Variants in FRMD3 observed in about 807,000 individuals in gnomAD.
The protein encoded by FRMD3 is FERM domain containing 3.
Under a neutral mutation model 70.2 loss-of-function variants are expected in FRMD3, and 33 were observed. The ratio of observed to expected loss-of-function variants is 0.47; its 90% CI spans 0.36 to 0.63. The LOEUF (loss-of-function observed/expected upper bound fraction) is 0.63, where lower values mean the gene tolerates loss of function less well. Ranked by LOEUF, FRMD3 falls within the 20% of genes least tolerant of loss-of-function variation. The pLI, the probability that FRMD3 is intolerant of heterozygous loss-of-function variation, is 0.00. For synonymous variants in FRMD3, 279 were observed against 255.9 expected, an observed-to-expected ratio of 1.09 and a Z score of -0.86; for missense variants, 632 against 711.4, an observed-to-expected ratio of 0.89 and a Z score of 1.27.
chr9:83,395,934 G>C (rs1011248841), intron 1 of FRMD3, among the ~76,000 whole-genome samples: 2 of 152,044 alleles, frequency 1.3e-5, no homozygotes, highest in East Asian at 3.9e-4. Context: ...CTACCTTTAG[G>C]GATGAAGGTA....
intron 1 of FRMD3, among the ~76,000 whole-genome samples, chr9:83,485,946 T>C (rs937527991): frequency 1.3e-5 from 2 of 151,986 alleles, no homozygotes; most frequent in Non-Finnish European, 2.9e-5. Context: ...TTTTACAGGA[T>C]TCTAATATAT....
intron 13 of FRMD3, among the ~76,000 whole-genome samples, chr9:83,258,038 A>G (rs1479626496): frequency 6.6e-6 from 1 of 152,214 alleles, no homozygotes; most frequent in Non-Finnish European, 1.5e-5. Context: ...CAATAATCAA[A>G]AAATACTGAT....
chr9:83,477,860 T>G (rs1301215992), intron 1 of FRMD3, among the ~76,000 whole-genome samples: 1 of 152,186 alleles, frequency 6.6e-6, no homozygotes, highest in Non-Finnish European at 1.5e-5. Flanking sequence ...TAGACCTTGC[T>G]TGGACCTTTC....
chr9:83,298,602 C>A lies in FRMD3; in HGVS notation c.1070+146G>T, dbSNP rs1213468622. The stretch of plus-strand genomic sequence containing the variant: ...GCCCAGCTGTGCTCATGCCATGGCC[C>A]AGGCAAATCTGTCTGAGTGAGATGT... On this transcript the variant is annotated intron_variant, in intron 12 of 13. Coordinates refer to ENST00000304195, the MANE Select transcript of FRMD3 (RefSeq NM_174938.6). 2.5e-5 allele frequency: 16 copies of A among 650,650 alleles called. No homozygotes were observed. The Admixed American group carries it at 3.9e-4, about 16-fold the overall frequency. 40.3% of individuals were successfully genotyped at this position (650,650 alleles called of 1,614,324 possible).
chr9:83,249,348 T>A (rs1234554378), intron 13 of FRMD3, among the ~76,000 whole-genome samples: 1 of 152,184 alleles, frequency 6.6e-6, no homozygotes, highest in African/African-American at 2.4e-5. Context: ...ATTTTACTGA[T>A]GGGAAATCGA....
chr9:83,522,395 G>T (rs576820379), intron 1 of FRMD3, among the ~76,000 whole-genome samples: 2 of 152,026 alleles, frequency 1.3e-5, no homozygotes, highest in African/African-American at 4.8e-5. Context: ...TCAGCGGCTG[G>T]GGGGGCAGGG....
At chr9:83,389,512 G>A in intron 2 of FRMD3, 92 bp downstream of exon 2, 1 of 805,564 alleles carries the variant, frequency 1.2e-6, no homozygotes, top group Non-Finnish European at 2.2e-6. Flanking sequence ...ATGAGAACAA[G>A]GGCATCACTA....
chr9:83,280,492 C>T (rs1432063892), intron 13 of FRMD3, among the ~76,000 whole-genome samples: 1 of 152,212 alleles, frequency 6.6e-6, no homozygotes, highest in African/African-American at 2.4e-5. Context: ...TGTAAAATGG[C>T]ATGTCACCAC....
At chr9:83,352,747 C>T (rs990081940) in intron 3 of FRMD3, among the ~76,000 whole-genome samples, 9 of 152,164 alleles carry the variant, frequency 5.9e-5, no homozygotes, top group African/African-American at 1.9e-4. Flanking sequence ...TCTATGCTTC[C>T]TCAAGCCAGG....
At chr9:83,352,154 C>A (rs1824183257) in intron 3 of FRMD3, among the ~76,000 whole-genome samples, 1 of 152,196 alleles carries the variant, frequency 6.6e-6, no homozygotes, top group Non-Finnish European at 1.5e-5. Context: ...AACTATTCTA[C>A]ATCAAACCAT....
intron 1 of FRMD3, among the ~76,000 whole-genome samples, chr9:83,502,286 T>C (rs1829086400): frequency 6.6e-6 from 1 of 152,228 alleles, no homozygotes; most frequent in African/African-American, 2.4e-5. Flanking sequence ...AGAAGGTTCC[T>C]GCCTTTTTGA....
intron 1 of FRMD3, among the ~76,000 whole-genome samples, chr9:83,417,005 C>T (rs1826477523): frequency 6.6e-6 from 1 of 152,206 alleles, no homozygotes; most frequent in South Asian, 2.1e-4. Flanking sequence ...TCTCCTTTCA[C>T]CCAGGCCTCT....
rs373851850 is a variant in FRMD3, at chr9:83,328,181, TA to T, written c.596+7334del. On this transcript the variant is annotated intron_variant, in intron 6 of 13. Transcript: ENST00000304195. ...TCTCAGAACTCTGTTTCCTTATCTG[TA>T]AAAAAAAAAAAAAATGGTGGCTGCA... Among the ~76,000 whole-genome samples, 1,091 of 143,172 alleles carry T rather than the reference TA, an allele frequency of 7.6e-3. 2 individuals carry two copies. The highest frequency in any genetic ancestry group is 0.017 in the African/African-American group (650 of 38,414). The allele number at this position is 143,172 out of a possible 152,430, so 93.9% of individuals were successfully genotyped here.
chr9:83,514,829 G>C (rs1471587200), intron 1 of FRMD3, among the ~76,000 whole-genome samples: 1 of 152,200 alleles, frequency 6.6e-6, no homozygotes, highest in Non-Finnish European at 1.5e-5. Context: ...ATGGGGTCTG[G>C]AGTGGACCCC....
At chr9:83,529,988 C>A (rs1186456298) in intron 1 of FRMD3, among the ~76,000 whole-genome samples, 1 of 152,122 alleles carries the variant, frequency 6.6e-6, no homozygotes, top group African/African-American at 2.4e-5. Flanking sequence ...TAGATAATAA[C>A]AAGTATTGGA....
chr9:83,248,511 G>A lies in FRMD3; in HGVS notation c.1201C>T (p.Pro401Ser), dbSNP rs780931179. 6.2e-7 allele frequency: 1 copy of A among 1,602,316 alleles called. No homozygotes were observed. Among genetic ancestry groups the A allele is most frequent in the South Asian group, 1.1e-5 (1 of 89,934 alleles). ...GAAATGTTCTCCTCTTTAGGCAATGGAACACCTGTAAAGAGACATTTTTTT... is the reference window on the plus strand; with the variant it reads ...GAAATGTTCTCCTCTTTAGGCAATGAAACACCTGTAAAGAGACATTTTTTT... ...EEELPLGEGVPLPKEENISAP... is the reference protein window; with the variant it reads ...EEELPLGEGVSLPKEENISAP... The change falls in exon 14 of 14, where the codon CCA (proline) becomes TCA (serine). Residue 401 changes from proline (P) to serine (S), a missense_variant. By Grantham distance (74) the Pro-to-Ser change is moderately conservative (BLOSUM62 -1). Around this residue, in one of 3 missense-constraint regions of FRMD3, gnomAD observed 418 missense variants for 442.1 expected, o/e 0.95. Transcript: ENST00000304195.
rs1363242735 is a variant in FRMD3 at position 83,521,666 on chromosome 9, C to T, written c.147+16419G>A. Among the ~76,000 whole-genome samples the T allele has an allele frequency of 4.6e-5, 7 of 152,306 alleles. No individual in the cohort carries two copies. In the East Asian group the frequency reaches 1.3e-3, roughly 29 times the overall value. On this transcript the variant is annotated intron_variant, in intron 1 of 13. Coordinates refer to ENST00000304195, the MANE Select transcript of FRMD3 (RefSeq NM_174938.6). ...GTTGTCTTAATTATTCCCTAATAAA[C>T]AGTGGTCATCATTGTTTTCCAGACT...
At chr9:83,292,820 G>C (rs1014754567) in intron 12 of FRMD3, among the ~76,000 whole-genome samples, 1 of 151,924 alleles carries the variant, frequency 6.6e-6, no homozygotes, top group African/African-American at 2.4e-5. Context: ...GCTAATTTTT[G>C]TATTTTTAGT....
chr9:83,528,730 G>A (rs1160708218), intron 1 of FRMD3, among the ~76,000 whole-genome samples: 3 of 152,018 alleles, frequency 2.0e-5, no homozygotes, highest in Non-Finnish European at 2.9e-5. Context: ...GTTTCACCAT[G>A]TTGCCCAGGC....
Sources: allele counts gnomAD v4.1 joint callset (sites outside exome capture counted in the v4.1 genomes callset), GRCh38; gene constraint gnomAD v4.1.1; regional missense constraint gnomAD v4.1.1; transcripts MANE v1.5; gene names NCBI Gene and HGNC (gene_info 2026-07-23, HGNC 2026-07-21).